Variants in EPB41L2 observed in about 807,000 individuals in gnomAD.
EPB41L2 encodes the protein band 4.1-like protein 2.
EPB41L2 carries 43 observed loss-of-function variants against 113.0 expected under a neutral mutation model. That is an observed-to-expected ratio of 0.38 (90% CI 0.30 to 0.49). EPB41L2 has a LOEUF of 0.49. EPB41L2 is among the 20% of genes least tolerant of loss of function. EPB41L2 has a pLI of 0.95. For synonymous variants in EPB41L2, 442 were observed against 436.7 expected (o/e 1.01, Z -0.15); for missense variants, 1,147 against 1,223.4 (o/e 0.94, Z 0.93).
intron 1 of EPB41L2, among the ~76,000 whole-genome samples, chr6:131,016,042 G>A (rs1426171992): frequency 6.6e-6 from 1 of 152,198 alleles, no homozygotes; most frequent in Non-Finnish European, 1.5e-5. Context: ...CTAGGTTTGT[G>A]TGCTGGACAG....
At chr6:131,052,521 G>T (rs1056628815) in intron 1 of EPB41L2, among the ~76,000 whole-genome samples, 1 of 152,200 alleles carries the variant, frequency 6.6e-6, no homozygotes, top group Non-Finnish European at 1.5e-5. Context: ...TTCTAACATA[G>T]TTTAAAGCTG....
intron 19 of EPB41L2, among the ~76,000 whole-genome samples, chr6:130,847,314 C>T (rs1047603213): frequency 5.9e-5 from 9 of 152,222 alleles, no homozygotes; most frequent in Admixed American, 1.3e-4. Flanking sequence ...TCAACTTCCA[C>T]AGCCCTTTAT....
At chr6:130,943,285 CATTCTAACTGGCGTG>C (rs1435118939) in intron 3 of EPB41L2, among the ~76,000 whole-genome samples, 1 of 152,188 alleles carries the variant, frequency 6.6e-6, no homozygotes, top group African/African-American at 2.4e-5. Context: ...TAATGATCGC[CATTCTAACTGGCGTG>C]AGTACATATT....
At chr6:130,858,266 C>A (rs769321495) in intron 18 of EPB41L2, 23 bp from the exon 19 acceptor site, 1 of 1,588,772 alleles carries the variant, frequency 6.3e-7, no homozygotes, top group African/African-American at 1.3e-5. Context: ...GGACAGAGAA[C>A]GGCTGTGAGC....
chr6:130,862,902 T>G (rs76715585), intron 18 of EPB41L2, among the ~76,000 whole-genome samples: 1 of 152,344 alleles, frequency 6.6e-6, no homozygotes, highest in Non-Finnish European at 1.5e-5. Flanking sequence ...ATATTTCTTT[T>G]CCTTTTCTTC....
At chr6:130,899,686 C>G (rs1200309537) in intron 7 of EPB41L2, 108 bp from the exon 8 acceptor site, 1 of 1,000,946 alleles carries the variant, frequency 1.0e-6, no homozygotes, top group Admixed American at 2.2e-5. Flanking sequence ...GAAAGTTACC[C>G]AGCCAAGTTT....
chr6:130,860,087 TTGTG>T (rs1277007102), intron 18 of EPB41L2, among the ~76,000 whole-genome samples: 2 of 152,226 alleles, frequency 1.3e-5, no homozygotes, highest in Non-Finnish European at 2.9e-5. Flanking sequence ...TACATTGTGT[TTGTG>T]TGTGTCTTCA....
At chr6:131,045,505 G>A (rs755593757) in intron 1 of EPB41L2, among the ~76,000 whole-genome samples, 25 of 152,046 alleles carry the variant, frequency 1.6e-4, no homozygotes, top group Non-Finnish European at 2.9e-4. Flanking sequence ...TTAGGGCTAC[G>A]AATCAAAGGC....
intron 19 of EPB41L2, 86 bp from the exon 20 acceptor site, chr6:130,840,684 A>G (rs1012682623): frequency 1.3e-5 from 2 of 152,084 alleles, no homozygotes; most frequent in Admixed American, 6.6e-5. Context: ...ACATTCATCA[A>G]GTTTTCAATC....
intron 1 of EPB41L2, among the ~76,000 whole-genome samples, chr6:130,963,126 A>T (rs1006486725): frequency 6.6e-6 from 1 of 152,216 alleles, no homozygotes; most frequent in African/African-American, 2.4e-5. Context: ...ATCGCGCCAC[A>T]CATGGCCCAG....
At chr6:130,956,833 T>C (rs1258950794) in intron 1 of EPB41L2, among the ~76,000 whole-genome samples, 1 of 152,222 alleles carries the variant, frequency 6.6e-6, no homozygotes, top group East Asian at 1.9e-4. Context: ...ATAATTGATA[T>C]CTAAAATCCA....
rs1324016423 is a variant in EPB41L2 at position 130,890,404 on chromosome 6, T to G, written c.1550A>C (p.Tyr517Ser). The G allele has an allele frequency of 1.9e-6, 3 of 1,611,696 alleles. No homozygotes were observed. Among genetic ancestry groups the G allele is most frequent in the Non-Finnish European group, 1.7e-6 (2 of 1,179,742 alleles). ...KFLTLGSKFR[Y>S]SGRTQAQTRQ... The stretch of plus-strand genomic sequence containing the variant: ...GGTCTGTGCTTGGGTGCGGCCACTA[T>G]AGCGAAATTTGGACCCCAAGGTCAG... The change falls in exon 11 of 20, where the codon TAT (tyrosine) becomes TCT (serine). Residue 517 changes from tyrosine (Y) to serine (S), a missense_variant. Physicochemically the swap from Tyr to Ser is moderately radical, Grantham distance 144. Coordinates refer to ENST00000337057, the MANE Select transcript of EPB41L2 (RefSeq NM_001431.4).
At chr6:130,854,419 A>G (rs146518168) in intron 19 of EPB41L2, among the ~76,000 whole-genome samples, 2 of 152,278 alleles carry the variant, frequency 1.3e-5, no homozygotes, top group African/African-American at 4.8e-5. Context: ...AATCTGTTTA[A>G]CAAGGCTTCT....
At chr6:130,893,893 G>C (rs1046055531) in intron 10 of EPB41L2, among the ~76,000 whole-genome samples, 1 of 152,158 alleles carries the variant, frequency 6.6e-6, no homozygotes, top group South Asian at 2.1e-4. Flanking sequence ...AAACCTAAGA[G>C]GAGGGATAGT....
chr6:130,976,151 T>C (rs73621575), intron 1 of EPB41L2, among the ~76,000 whole-genome samples: 5,950 of 152,326 alleles, frequency 0.039, 340 homozygotes, highest in African/African-American at 0.12. Flanking sequence ...AGGAGTTTCA[T>C]GACTCTTCAA....
At chr6:130,885,401 T>A in intron 11 of EPB41L2, 133 bp from the exon 12 acceptor site, 1 of 752,024 alleles carries the variant, frequency 1.3e-6, no homozygotes, top group Non-Finnish European at 2.1e-6. Context: ...GCTTGAGCTC[T>A]GAAAATACCC....
At chr6:130,955,544 A>G (rs929155388) in intron 2 of EPB41L2, among the ~76,000 whole-genome samples, 1 of 152,222 alleles carries the variant, frequency 6.6e-6, no homozygotes, top group Non-Finnish European at 1.5e-5. Context: ...TAAATGAATC[A>G]AAGAAACTAC....
At chr6:130,954,040 CTTTTTTTT>C (rs780758511) in intron 3 of EPB41L2, among the ~76,000 whole-genome samples, 625 of 58,824 alleles carry the variant, frequency 0.011, 1 homozygote, top group South Asian at 0.02. Context: ...CCTTTTCTTT[CTTTTTTTT>C]TTTTTTTTTT....
chr6:130,908,035 G>A (rs1422126761), intron 5 of EPB41L2, among the ~76,000 whole-genome samples: 15 of 152,162 alleles, frequency 9.9e-5, no homozygotes, highest in Admixed American at 9.2e-4. Flanking sequence ...CTCTGCTTCA[G>A]TCATTCACAG....
Sources: gnomAD v4.1 joint callset for allele counts (sites outside exome capture counted in the v4.1 genomes callset) on GRCh38, gnomAD v4.1.1 for gene constraint, MANE v1.5 for transcripts, NCBI Gene and HGNC (gene_info 2026-07-23, HGNC 2026-07-21) for gene names.